AKAP6: variants seen among roughly 807,000 people sequenced by gnomAD.
AKAP6 encodes A-kinase anchoring protein 6.
Under a neutral mutation model 188.5 loss-of-function variants are expected in AKAP6, and 58 were observed. The observed-to-expected ratio is 0.31, with a 90% CI of 0.25 to 0.38. AKAP6 has a LOEUF of 0.38. Among genes scored for constraint, AKAP6 ranks in the 10% least tolerant of loss-of-function variants. The probability of loss-of-function intolerance (pLI) is 1.00; values close to 1 mark genes in which losing one functional copy is unlikely to be tolerated. For synonymous variants in AKAP6, 989 were observed against 998.6 expected (o/e 0.99, Z 0.18); for missense variants, 2,710 against 2,740.0 (o/e 0.99, Z 0.24).
intron 3 of AKAP6, among the ~76,000 whole-genome samples, chr14:32,541,504 C>T (rs2139137877): frequency 6.6e-6 from 1 of 152,190 alleles, no homozygotes; most frequent in East Asian, 1.9e-4. Flanking sequence ...GTGGCTGACA[C>T]TTCAGTTTGG....
intron 11 of AKAP6, among the ~76,000 whole-genome samples, chr14:32,758,401 A>C (rs1187095999): frequency 2.6e-5 from 4 of 152,184 alleles, no homozygotes; most frequent in Non-Finnish European, 4.4e-5. Flanking sequence ...TACTCTGTAA[A>C]ATATAGGTAA....
Position 32,824,235 on chromosome 14 carries a change from C to G in AKAP6, c.6422C>G (p.Thr2141Ser), listed in dbSNP as rs2034615467. Residue 2141 changes from threonine to serine, a missense_variant, in exon 13 of 14, where the codon ACC becomes AGC. Around this residue, in one of 2 missense-constraint regions of AKAP6, gnomAD observed 2,473 missense variants for 2,426.1 expected, o/e 1.02. Coordinates refer to ENST00000280979, the MANE Select transcript of AKAP6 (RefSeq NM_004274.5). Reference sequence around the variant, plus strand: ...AGCAGCACTCCATTGCCACTAGACACCACTGACTCGGGCTTAGATGACAAG... The same window carrying G: ...AGCAGCACTCCATTGCCACTAGACAGCACTGACTCGGGCTTAGATGACAAG... ...EKSSTPLPLD[T>S]TDSGLDDKED... 1 of 1,613,842 alleles carries G rather than the reference C, an allele frequency of 6.2e-7. No homozygotes were observed. Among genetic ancestry groups the G allele is most frequent in the South Asian group, 1.1e-5 (1 of 91,080 alleles).
intron 2 of AKAP6, among the ~76,000 whole-genome samples, chr14:32,480,670 G>T (rs969146261): frequency 7.3e-5 from 11 of 150,422 alleles, no homozygotes; most frequent in African/African-American, 2.8e-4. Flanking sequence ...TTGAATTTAG[G>T]TCTCACTATG....
At chr14:32,513,841 T>C (rs534396694) in intron 2 of AKAP6, among the ~76,000 whole-genome samples, 20 of 152,320 alleles carry the variant, frequency 1.3e-4, no homozygotes, top group Non-Finnish European at 2.2e-4. Flanking sequence ...TTTTTCTATA[T>C]AGAACTCTTT....
At chr14:32,518,358 G>A (rs1293919503) in intron 2 of AKAP6, among the ~76,000 whole-genome samples, 1 of 152,190 alleles carries the variant, frequency 6.6e-6, no homozygotes, top group Non-Finnish European at 1.5e-5. Context: ...TTTGATGAGA[G>A]AAGAAGGCTT....
intron 12 of AKAP6, among the ~76,000 whole-genome samples, chr14:32,820,618 G>A (rs1232251571): frequency 6.6e-6 from 1 of 152,140 alleles, no homozygotes; most frequent in African/African-American, 2.4e-5. Flanking sequence ...AGTAAGTAGT[G>A]AGCCAAGTTA....
chr14:32,497,595 G>A (rs1248050604), intron 2 of AKAP6, among the ~76,000 whole-genome samples: 2 of 152,038 alleles, frequency 1.3e-5, no homozygotes, highest in Non-Finnish European at 2.9e-5. Flanking sequence ...GTATTCTACT[G>A]TTTTGGTTGA....
At chr14:32,412,788 A>G (rs185978491) in intron 1 of AKAP6, among the ~76,000 whole-genome samples, 3 of 152,338 alleles carry the variant, frequency 2.0e-5, no homozygotes, top group East Asian at 3.9e-4. Context: ...TAGTAGATCA[A>G]TAACACACAC....
intron 1 of AKAP6, among the ~76,000 whole-genome samples, chr14:32,368,340 T>A (rs1018002905): frequency 3.3e-5 from 5 of 152,212 alleles, no homozygotes; most frequent in African/African-American, 1.2e-4. Context: ...GTAGACATTG[T>A]ACTGGGTGCT....
chr14:32,592,322 A>T (rs940053591), intron 5 of AKAP6, among the ~76,000 whole-genome samples: 1 of 152,196 alleles, frequency 6.6e-6, no homozygotes, highest in Non-Finnish European at 1.5e-5. Context: ...ACAACGTAGT[A>T]TGTGAAGGTT....
At chr14:32,814,575 T>C (rs1413959194) in intron 12 of AKAP6, among the ~76,000 whole-genome samples, 1 of 152,166 alleles carries the variant, frequency 6.6e-6, no homozygotes, top group East Asian at 1.9e-4. Flanking sequence ...AACTGAGAGT[T>C]TGCACCAGTT....
At chr14:32,391,435 C>T (rs1888711022) in intron 1 of AKAP6, among the ~76,000 whole-genome samples, 1 of 152,170 alleles carries the variant, frequency 6.6e-6, no homozygotes, top group African/African-American at 2.4e-5. Flanking sequence ...CTCTAGTTAT[C>T]TCTGTTCCTA....
At chr14:32,622,769 A>G (rs1231683970) in intron 7 of AKAP6, among the ~76,000 whole-genome samples, 1 of 152,180 alleles carries the variant, frequency 6.6e-6, no homozygotes, top group East Asian at 1.9e-4. Flanking sequence ...GGCTACAGTG[A>G]GGAGCTTTGA....
chr14:32,809,243 G>A (rs2034162852), intron 12 of AKAP6, among the ~76,000 whole-genome samples: 1 of 152,182 alleles, frequency 6.6e-6, no homozygotes, highest in Non-Finnish European at 1.5e-5. Context: ...ATTTTAACAT[G>A]CGTATTAATC....
intron 7 of AKAP6, among the ~76,000 whole-genome samples, chr14:32,618,466 G>T (rs1886676369): frequency 6.6e-6 from 1 of 152,178 alleles, no homozygotes. Context: ...CCATTCCTGA[G>T]TTACTTCACT....
intron 1 of AKAP6, among the ~76,000 whole-genome samples, chr14:32,392,429 A>G (rs1888743073): frequency 6.6e-6 from 1 of 152,194 alleles, no homozygotes; most frequent in Admixed American, 6.6e-5. Context: ...ATACACACAA[A>G]TATAAAGAAA....
intron 1 of AKAP6, among the ~76,000 whole-genome samples, chr14:32,381,638 A>C (rs1003193246): frequency 7.2e-5 from 11 of 152,326 alleles, no homozygotes; most frequent in African/African-American, 2.4e-4. Context: ...TGAAGTTTAC[A>C]TTAGAGAGAA....
At chr14:32,644,893 C>T (rs1277905783) in intron 7 of AKAP6, among the ~76,000 whole-genome samples, 1 of 152,140 alleles carries the variant, frequency 6.6e-6, no homozygotes, top group Non-Finnish European at 1.5e-5. Context: ...CTCTGCTTTT[C>T]TAAAAAGCCA....
intron 1 of AKAP6, among the ~76,000 whole-genome samples, chr14:32,332,207 C>A (rs1449427310): frequency 6.6e-6 from 1 of 152,060 alleles, no homozygotes; most frequent in Non-Finnish European, 1.5e-5. Flanking sequence ...CAAACCATTG[C>A]GATCTGGCTA....
Sources: allele counts gnomAD v4.1 joint callset (sites outside exome capture counted in the v4.1 genomes callset), GRCh38; gene constraint gnomAD v4.1.1; regional missense constraint gnomAD v4.1.1; transcripts MANE v1.5; gene names NCBI Gene and HGNC (gene_info 2026-07-23, HGNC 2026-07-21).